The following CCSER1 variants were observed in gnomAD, a reference collection of about 807,000 sequenced individuals.
The protein encoded by CCSER1 is coiled-coil serine rich protein 1.
Under a neutral mutation model 82.0 loss-of-function variants are expected in CCSER1, and 41 were observed. The ratio of observed to expected loss-of-function variants is 0.50; its 90% CI spans 0.39 to 0.65. The LOEUF (loss-of-function observed/expected upper bound fraction) is 0.65. CCSER1 is among the 30% of genes least tolerant of loss of function. CCSER1 has a pLI of 0.00. For missense variants in CCSER1, 1,119 were observed against 1,064.2 expected (o/e 1.05, Z -0.72); for synonymous variants, 414 against 383.9 (o/e 1.08, Z -0.92).
intron 5 of CCSER1, among the ~76,000 whole-genome samples, chr4:90,482,292 A>G (rs1489168148): frequency 2.0e-5 from 3 of 152,030 alleles, no homozygotes; most frequent in Non-Finnish European, 4.4e-5. Context: ...CTAGTGGTCT[A>G]TCAATTTTGT....
At chr4:90,487,814 G>C (rs990473104) in intron 5 of CCSER1, among the ~76,000 whole-genome samples, 1 of 152,126 alleles carries the variant, frequency 6.6e-6, no homozygotes, top group African/African-American at 2.4e-5. Flanking sequence ...GCTAATTTTT[G>C]TATTTTTAGT....
At chr4:90,422,308 T>C (rs950567717) in intron 4 of CCSER1, among the ~76,000 whole-genome samples, 1 of 152,110 alleles carries the variant, frequency 6.6e-6, no homozygotes, top group Non-Finnish European at 1.5e-5. Flanking sequence ...TCATCCCTAT[T>C]CTGAAGAGCC....
chr4:90,336,360 CAT>C (rs938093160), intron 3 of CCSER1, among the ~76,000 whole-genome samples: 1 of 152,152 alleles, frequency 6.6e-6, no homozygotes, highest in African/African-American at 2.4e-5. Context: ...AGATTCCAAA[CAT>C]AGGACTCTAC....
intron 9 of CCSER1, among the ~76,000 whole-genome samples, chr4:91,035,362 A>G (rs532266529): frequency 1.3e-5 from 2 of 152,134 alleles, no homozygotes; most frequent in Non-Finnish European, 2.9e-5. Flanking sequence ...AAAAAAAATC[A>G]TCCTTTGGTC....
intron 1 of CCSER1, among the ~76,000 whole-genome samples, chr4:90,300,147 G>A (rs1435524828): frequency 6.6e-6 from 1 of 152,046 alleles, no homozygotes; most frequent in Non-Finnish European, 1.5e-5. Context: ...TTGATAATTT[G>A]TTTTCAAATG....
intron 9 of CCSER1, among the ~76,000 whole-genome samples, chr4:91,072,944 G>A (rs1285797111): frequency 5.3e-5 from 8 of 152,026 alleles, no homozygotes; most frequent in Admixed American, 5.2e-4. Context: ...GTATCCTGTG[G>A]TATGGTTACA....
intron 7 of CCSER1, among the ~76,000 whole-genome samples, chr4:90,783,342 A>G (rs975168570): frequency 2.6e-5 from 4 of 152,216 alleles, no homozygotes; most frequent in Non-Finnish European, 5.9e-5. Flanking sequence ...GCAGGCGATT[A>G]TAGAGAAAAG....
At chr4:91,095,127 C>A (rs1446905265) in intron 10 of CCSER1, among the ~76,000 whole-genome samples, 1 of 152,132 alleles carries the variant, frequency 6.6e-6, no homozygotes, top group Non-Finnish European at 1.5e-5. Flanking sequence ...AATGTCCTTG[C>A]CCCCTATTGT....
At chr4:91,496,585 TACACGA>T (rs370491084) in intron 10 of CCSER1, among the ~76,000 whole-genome samples, 6,779 of 38,334 alleles carry the variant, frequency 0.18, 2,915 homozygotes, top group Non-Finnish European at 0.3. Flanking sequence ...TATATATATA[TACACGA>T]ATATATATTT....
chr4:90,477,678 G>A (rs1765300994), intron 5 of CCSER1, among the ~76,000 whole-genome samples: 3 of 150,524 alleles, frequency 2.0e-5, no homozygotes, highest in Non-Finnish European at 3.0e-5. Context: ...TACAACAAAT[G>A]TTTCCTGGTT....
At chr4:90,847,257 C>T (rs962080273) in intron 8 of CCSER1, among the ~76,000 whole-genome samples, 12 of 152,044 alleles carry the variant, frequency 7.9e-5, no homozygotes, top group African/African-American at 2.9e-4. Flanking sequence ...AAATGATTTC[C>T]ATTCCATTTA....
chr4:90,968,397 C>A (rs1734774278), intron 9 of CCSER1, among the ~76,000 whole-genome samples: 1 of 151,958 alleles, frequency 6.6e-6, no homozygotes, highest in Non-Finnish European at 1.5e-5. Flanking sequence ...TGTGTGCCCC[C>A]ACAGATAGCA....
chr4:90,652,330 A>G (rs1728900055), intron 6 of CCSER1, among the ~76,000 whole-genome samples: 1 of 152,124 alleles, frequency 6.6e-6, no homozygotes. Flanking sequence ...AGTTTTTGTG[A>G]TGTCTTTTAT....
intron 1 of CCSER1, among the ~76,000 whole-genome samples, chr4:90,153,538 C>A (rs1414522378): frequency 2.0e-5 from 3 of 152,042 alleles, no homozygotes; most frequent in African/African-American, 4.8e-5. Flanking sequence ...CACATCCTCT[C>A]CAGCACCTGT....
chr4:91,516,632 G>C (rs114119220), intron 10 of CCSER1, among the ~76,000 whole-genome samples: 1,553 of 152,044 alleles, frequency 0.01, 22 homozygotes, highest in African/African-American at 0.03. Flanking sequence ...ATTTTGAAGT[G>C]AGCTAGTATT....
At chr4:90,147,753 T>C (rs1314854159) in intron 1 of CCSER1, among the ~76,000 whole-genome samples, 1 of 152,218 alleles carries the variant, frequency 6.6e-6, no homozygotes. Context: ...GCCATTATAT[T>C]GGCTGTACTA....
chr4:91,574,879 G>T (rs1215053621), intron 10 of CCSER1, among the ~76,000 whole-genome samples: 1 of 151,694 alleles, frequency 6.6e-6, no homozygotes, highest in Non-Finnish European at 1.5e-5. Context: ...TGTACCCCGA[G>T]AATCTAAAAT....
At chr4:91,319,292 T>C (rs7683765) in intron 10 of CCSER1, among the ~76,000 whole-genome samples, 118,435 of 151,488 alleles carry the variant, frequency 0.78, 47,048 homozygotes, top group African/African-American at 0.93. Context: ...TGACCATGCC[T>C]CCCAGAGAAT....
intron 7 of CCSER1, among the ~76,000 whole-genome samples, chr4:90,801,574 A>T (rs181868174): frequency 8.5e-5 from 13 of 152,304 alleles, no homozygotes; most frequent in Admixed American, 5.9e-4. Context: ...GTATCAAGAG[A>T]CAATGCTATT....
Sources: gnomAD v4.1 joint callset for allele counts (sites outside exome capture counted in the v4.1 genomes callset) on GRCh38, gnomAD v4.1.1 for gene constraint, MANE v1.5 for transcripts, NCBI Gene and HGNC (gene_info 2026-07-23, HGNC 2026-07-21) for gene names.